The following TACC2 variants were observed in gnomAD, a reference collection of about 807,000 sequenced individuals.
The protein encoded by TACC2 is transforming acidic coiled-coil-containing protein 2.
In TACC2, 137 loss-of-function variants were observed where a neutral mutation model predicts 227.3. That is an observed-to-expected ratio of 0.60 (90% confidence interval 0.52 to 0.69). TACC2 has a LOEUF of 0.69. Ranked by LOEUF, TACC2 falls within the 30% of genes least tolerant of loss-of-function variation. TACC2 has a pLI of 0.00. For missense variants in TACC2, 3,470 were observed against 3,694.4 expected (o/e 0.94, Z 1.57); for synonymous variants, 1,523 against 1,487.5 (o/e 1.02, Z -0.55).
chr10:122,084,211 T>G lies in TACC2; in HGVS notation c.1711T>G (p.Ser571Ala), dbSNP rs756650921. The G allele has an allele frequency of 2.5e-6, 4 of 1,613,850 alleles. No individual in the cohort carries two copies. In the African/African-American group the frequency reaches 5.3e-5, roughly 22 times the overall value. ...SPAVAKEGSR[S>A]PGDSPGGKEE... is the part of the protein sequence containing the mutation. ...AGCCGTGGCTAAAGAAGGAAGCAGA[T>G]CACCTGGTGACAGCCCTGGAGGAAA... Residue 571 changes from serine (S) to alanine (A), a missense_variant, in exon 4 of 23, where the codon TCA becomes GCA. Ser to Ala is a moderately conservative substitution (Grantham distance 99). Transcript: ENST00000369005.
intron 6 of TACC2, among the ~76,000 whole-genome samples, chr10:122,132,971 C>T (rs568263463): frequency 1.6e-3 from 251 of 152,230 alleles, no homozygotes; most frequent in African/African-American, 5.8e-3. Context: ...TCCCCTGTCC[C>T]GGCCCCCAAG....
At chr10:122,039,939 T>C (rs2074042517) in intron 2 of TACC2, among the ~76,000 whole-genome samples, 1 of 151,832 alleles carries the variant, frequency 6.6e-6, no homozygotes. Context: ...TATCTGCTAA[T>C]TGGAGGTTCC....
intron 5 of TACC2, among the ~76,000 whole-genome samples, chr10:122,089,790 C>T (rs185355082): frequency 2.0e-5 from 3 of 151,998 alleles, no homozygotes; most frequent in South Asian, 4.1e-4. Context: ...GCACGATCAC[C>T]TGTTTTTCGA....
At chr10:122,131,016 T>TA (rs147716465) in intron 5 of TACC2, among the ~76,000 whole-genome samples, 1 of 151,438 alleles carries the variant, frequency 6.6e-6, no homozygotes, top group African/African-American at 2.4e-5. Flanking sequence ...AATAAACATT[T>TA]AAAAAAAATG....
intron 22 of TACC2, among the ~76,000 whole-genome samples, chr10:122,252,915 G>A (rs990463434): frequency 1.3e-5 from 2 of 152,208 alleles, no homozygotes; most frequent in African/African-American, 4.8e-5. Flanking sequence ...GCCAGGAGGT[G>A]GGCCAGGGTT....
intron 1 of TACC2, among the ~76,000 whole-genome samples, chr10:122,021,621 A>C (rs1490406063): frequency 6.6e-6 from 1 of 151,826 alleles, no homozygotes; most frequent in Non-Finnish European, 1.5e-5. Context: ...TGGCAAACGG[A>C]CCCCTTTTGT....
intron 5 of TACC2, among the ~76,000 whole-genome samples, chr10:122,110,168 G>A (rs889310205): frequency 1.3e-5 from 2 of 152,106 alleles, no homozygotes; most frequent in African/African-American, 4.8e-5. Flanking sequence ...TGGTACTCAG[G>A]CAAAAAGAAT....
At chr10:122,105,972 A>G (rs1043392969) in intron 5 of TACC2, among the ~76,000 whole-genome samples, 12 of 103,308 alleles carry the variant, frequency 1.2e-4, no homozygotes, top group East Asian at 7.8e-4. Context: ...GTGTGTGTGT[A>G]TGTATATACA....
chr10:122,195,237 T>A (rs1217541045), intron 8 of TACC2, 61 bp downstream of exon 8: 3 of 1,457,214 alleles, frequency 2.1e-6, no homozygotes, highest in Admixed American at 2.0e-5. Context: ...TGGGGGAGAT[T>A]TGCAGCAGTT....
In TACC2 at chr10:122,083,927, G is replaced by A. The variant is rs770091461; in HGVS notation, c.1427G>A (p.Gly476Glu). Residue 476 changes from glycine (G) to glutamate (E), a missense_variant, in exon 4 of 23, where the codon GGA becomes GAA. Gly to Glu is a moderately conservative substitution (Grantham distance 98). Coordinates refer to ENST00000369005, the MANE Select transcript of TACC2 (RefSeq NM_206862.4). ...CTGGAGAGGCAGGTGTCAGATCTTG[G>A]AAGCAAGGGAGAGCATCCAGAAGGG... Reference protein sequence around the residue: ...VGLERQVSDLGSKGEHPEGDP... With the variant: ...VGLERQVSDLESKGEHPEGDP... 5.0e-6 allele frequency: 8 copies of A among 1,614,110 alleles called. No homozygotes were observed. In the East Asian group the frequency reaches 1.8e-4, roughly 36 times the overall value.
chr10:122,056,429 C>T (rs1222348310), intron 3 of TACC2, among the ~76,000 whole-genome samples: 1 of 152,224 alleles, frequency 6.6e-6, no homozygotes, highest in Non-Finnish European at 1.5e-5. Context: ...CCCACCTCAG[C>T]CTCCCAAAGT....
At chr10:122,229,589 C>T in intron 15 of TACC2, 103 bp downstream of exon 15, 1 of 1,345,512 alleles carries the variant, frequency 7.4e-7, no homozygotes, top group South Asian at 1.3e-5. Flanking sequence ...TGAGGAACTG[C>T]CGAGAACGTT....
intron 8 of TACC2, among the ~76,000 whole-genome samples, chr10:122,197,238 G>A (rs1283147468): frequency 1.3e-5 from 2 of 152,222 alleles, no homozygotes; most frequent in African/African-American, 4.8e-5. Flanking sequence ...TCCAGCCTGG[G>A]TGACAGAACC....
intron 7 of TACC2, among the ~76,000 whole-genome samples, chr10:122,159,020 C>T (rs982069938): frequency 2.6e-5 from 4 of 152,128 alleles, no homozygotes; most frequent in Non-Finnish European, 5.9e-5. Flanking sequence ...AAGAAAGCGC[C>T]AAGGCATCAA....
At chr10:122,102,440 G>A (rs1225177405) in intron 5 of TACC2, among the ~76,000 whole-genome samples, 1 of 152,120 alleles carries the variant, frequency 6.6e-6, no homozygotes, top group East Asian at 1.9e-4. Context: ...CCGTAACCGC[G>A]CCTCACTCCT....
chr10:122,007,523 AG>A (rs1392490719), intron 1 of TACC2, among the ~76,000 whole-genome samples: 1 of 152,086 alleles, frequency 6.6e-6, no homozygotes, highest in African/African-American at 2.4e-5. Flanking sequence ...GTTTTTCAAA[AG>A]CTCTGTGTGG....
intron 3 of TACC2, chr10:122,052,691 A>AAC (rs1365748325): frequency 1.3e-5 from 2 of 151,612 alleles, no homozygotes; most frequent in Admixed American, 6.6e-5. Flanking sequence ...TCAAAAAAAA[A>AAC]AAAAAAACAA....
Position 121,996,836 on chromosome 10 carries a change from C to T in TACC2, c.-46+7348C>T, listed in dbSNP as rs118051595. Reference sequence around the variant, plus strand: ...AAATGCAGTTGGTGCAGGAGTGAGACGTCAGGGCAGGTGCTTTAGGTTTAG... The same window carrying T: ...AAATGCAGTTGGTGCAGGAGTGAGATGTCAGGGCAGGTGCTTTAGGTTTAG... On this transcript the variant is annotated intron_variant, in intron 1 of 22. Transcript: ENST00000369005. 7.2e-3 allele frequency among the ~76,000 whole-genome samples: 1,097 copies of T among 152,034 alleles called. 19 individuals are homozygous for T. The highest frequency in any genetic ancestry group is 0.045 in the Admixed American group (681 of 15,260).
chr10:122,240,184 C>G (rs2095956407), intron 18 of TACC2, among the ~76,000 whole-genome samples: 1 of 152,184 alleles, frequency 6.6e-6, no homozygotes, highest in South Asian at 2.1e-4. Context: ...GGTCCCCGGT[C>G]TCTCCACGCT....
Sources: allele counts gnomAD v4.1 joint callset (sites outside exome capture counted in the v4.1 genomes callset), GRCh38; gene constraint gnomAD v4.1.1; transcripts MANE v1.5; gene names NCBI Gene and HGNC (gene_info 2026-07-23, HGNC 2026-07-21).